PTN: variants seen among roughly 807,000 people sequenced by gnomAD.
The protein encoded by PTN is heparin affin regulatory protein.
A neutral mutation model predicts 24.1 loss-of-function variants in PTN; 18 were observed. The ratio of observed to expected loss-of-function variants is 0.75; its 90% CI spans 0.52 to 1.11. PTN has a LOEUF of 1.11. PTN is among the 50% of genes least tolerant of loss of function. PTN has a pLI of 0.00. For missense variants in PTN, 163 were observed against 198.8 expected (o/e 0.82, Z 1.08); for synonymous variants, 78 against 68.6 (o/e 1.14, Z -0.67).
At chr7:137,311,265 T>C (rs893646345) in intron 1 of PTN, among the ~76,000 whole-genome samples, 5 of 151,252 alleles carry the variant, frequency 3.3e-5, no homozygotes, top group African/African-American at 1.2e-4. Flanking sequence ...TGAAGAGAGT[T>C]AAGGCCTTTC....
intron 4 of PTN, among the ~76,000 whole-genome samples, chr7:137,232,695 T>C (rs1233694255): frequency 6.6e-6 from 1 of 151,990 alleles, no homozygotes; most frequent in Non-Finnish European, 1.5e-5. Context: ...GTGATATGGT[T>C]TGACTCTGTG....
At chr7:137,328,612 C>T (rs1810301294) in intron 1 of PTN, among the ~76,000 whole-genome samples, 1 of 152,154 alleles carries the variant, frequency 6.6e-6, no homozygotes, top group Non-Finnish European at 1.5e-5. Flanking sequence ...GGATAGAACA[C>T]AGCAATCCAA....
chr7:137,253,234 C>T (rs1808858830), intron 3 of PTN, among the ~76,000 whole-genome samples: 2 of 152,100 alleles, frequency 1.3e-5, no homozygotes, highest in African/African-American at 2.4e-5. Flanking sequence ...AGGAATGCTA[C>T]CGGAAACTAG....
intron 1 of PTN, among the ~76,000 whole-genome samples, chr7:137,324,417 T>TAAAAAAAAA (rs1366943397): frequency 4.7e-4 from 30 of 63,446 alleles, no homozygotes; most frequent in African/African-American, 2.5e-3. Context: ...ACCCTGTCTC[T>TAAAAAAAAA]AAAAAAAAAA....
At chr7:137,263,810 G>A (rs764842914) in intron 1 of PTN, among the ~76,000 whole-genome samples, 13 of 152,018 alleles carry the variant, frequency 8.6e-5, no homozygotes, top group South Asian at 2.1e-4. Flanking sequence ...GCAGCTTAGC[G>A]TAGGTTCTAT....
intron 1 of PTN, among the ~76,000 whole-genome samples, chr7:137,339,568 CAAAA>C (rs58934357): frequency 8.1e-6 from 1 of 123,816 alleles, no homozygotes; most frequent in Non-Finnish European, 1.6e-5. Context: ...GGTCTTGAAT[CAAAA>C]AAAAAAAAAA....
intron 4 of PTN, among the ~76,000 whole-genome samples, chr7:137,250,140 G>T (rs1322410052): frequency 6.6e-6 from 1 of 152,132 alleles, no homozygotes. Flanking sequence ...AGGCCAAGAA[G>T]GTATTTGAAT....
intron 1 of PTN, among the ~76,000 whole-genome samples, chr7:137,267,134 G>T (rs1402741145): frequency 1.3e-5 from 2 of 152,022 alleles, no homozygotes; most frequent in Non-Finnish European, 1.5e-5. Flanking sequence ...TTAACTACTT[G>T]TATATTTCTC....
intron 4 of PTN, among the ~76,000 whole-genome samples, chr7:137,231,753 C>A (rs1808430489): frequency 6.6e-6 from 1 of 151,998 alleles, no homozygotes; most frequent in Admixed American, 6.6e-5. Flanking sequence ...AGAATCTTGT[C>A]AAATTTCAGT....
intron 1 of PTN, among the ~76,000 whole-genome samples, chr7:137,311,899 G>T (rs536421500): frequency 7.5e-6 from 1 of 133,308 alleles, no homozygotes; most frequent in South Asian, 2.1e-4. Context: ...ACATGCTGTT[G>T]GAAAATGGTG....
intron 4 of PTN, among the ~76,000 whole-genome samples, chr7:137,238,821 T>C (rs1308921522): frequency 6.6e-6 from 1 of 152,146 alleles, no homozygotes; most frequent in Non-Finnish European, 1.5e-5. Flanking sequence ...ATATCATAAA[T>C]ACTCAATAAA....
intron 1 of PTN, among the ~76,000 whole-genome samples, chr7:137,266,079 C>T (rs1184682676): frequency 6.6e-6 from 1 of 152,026 alleles, no homozygotes; most frequent in East Asian, 1.9e-4. Flanking sequence ...AATGTTTGAT[C>T]ATAAGTAAGA....
rs140953460 is a variant in PTN at position 137,299,227 on chromosome 7, T to C, written c.-2+44212A>G. Among the ~76,000 whole-genome samples, 475 of 152,110 alleles carry C rather than the reference T, an allele frequency of 3.1e-3. 2 individuals carry two copies. The highest frequency in any genetic ancestry group is 0.011 in the African/African-American group (453 of 41,518). ...GTGCCTAAAATGAATGTTGTCTAAC[T>C]ACAACAAAACTCTCAACTATCACAG... On this transcript the variant is annotated intron_variant, in intron 1 of 4. Transcript: ENST00000348225.
At chr7:137,283,329 T>G (rs1809502606) in intron 1 of PTN, among the ~76,000 whole-genome samples, 1 of 152,176 alleles carries the variant, frequency 6.6e-6, no homozygotes. Context: ...CTTGCCAGCT[T>G]TGATTTGCAC....
intron 1 of PTN, among the ~76,000 whole-genome samples, chr7:137,263,834 G>A (rs1003132466): frequency 6.6e-6 from 1 of 151,984 alleles, no homozygotes; most frequent in Non-Finnish European, 1.5e-5. Context: ...CACATACCCA[G>A]TATAGCCTAG....
At chr7:137,279,084 G>A (rs143192644) in intron 1 of PTN, among the ~76,000 whole-genome samples, 2 of 151,614 alleles carry the variant, frequency 1.3e-5, no homozygotes, top group African/African-American at 4.8e-5. Context: ...AACCTGACCT[G>A]ATACCAAAAC....
chr7:137,248,397 T>C (rs1318463152), intron 4 of PTN, among the ~76,000 whole-genome samples: 1 of 152,176 alleles, frequency 6.6e-6, no homozygotes, highest in Non-Finnish European at 1.5e-5. Context: ...AATAAGAATA[T>C]TCTTTTTTCC....
At chr7:137,295,616 T>G (rs1017473965) in intron 1 of PTN, among the ~76,000 whole-genome samples, 5 of 152,106 alleles carry the variant, frequency 3.3e-5, no homozygotes, top group Non-Finnish European at 7.4e-5. Context: ...AAGTTTATAT[T>G]GATTTAGATG....
chr7:137,275,668 G>A (rs910698550), intron 1 of PTN, among the ~76,000 whole-genome samples: 2 of 149,344 alleles, frequency 1.3e-5, no homozygotes, highest in Non-Finnish European at 3.0e-5. Context: ...AAATTGTATT[G>A]GCAAACTGAA....
Sources: allele counts gnomAD v4.1 joint callset (sites outside exome capture counted in the v4.1 genomes callset), GRCh38; gene constraint gnomAD v4.1.1; transcripts MANE v1.5; gene names NCBI Gene and HGNC (gene_info 2026-07-23, HGNC 2026-07-21).